The following WWC1 variants were observed in gnomAD, a reference collection of about 807,000 sequenced individuals.
WWC1 encodes protein KIBRA.
In WWC1, 55 loss-of-function variants were observed where a neutral mutation model predicts 138.4. The observed-to-expected ratio is 0.40, with a 90% CI of 0.32 to 0.50. WWC1 has a LOEUF of 0.50. Ranked by LOEUF, WWC1 falls within the 20% of genes least tolerant of loss-of-function variation. WWC1 has a pLI of 0.72. For missense variants in WWC1, 1,226 were observed against 1,420.4 expected (o/e 0.86, Z 2.20); for synonymous variants, 524 against 564.9 (o/e 0.93, Z 1.03).
At chr5:168,305,401 A>T (rs55758167) in intron 1 of WWC1, among the ~76,000 whole-genome samples, 55,814 of 151,984 alleles carry the variant, frequency 0.37, 10,517 homozygotes, top group East Asian at 0.5. Flanking sequence ...TGAAGTTTAG[A>T]AACACCTTCC....
chr5:168,333,385 T>C (rs978817578), intron 1 of WWC1, among the ~76,000 whole-genome samples: 6 of 152,230 alleles, frequency 3.9e-5, no homozygotes, highest in African/African-American at 1.4e-4. Context: ...ACCCTTGAGA[T>C]TCATGGAAAA....
At position 168,327,362 on chromosome 5, in the gene WWC1, G is replaced by A. The variant is rs558772313; in HGVS notation, c.119+35091G>A. On this transcript the variant is annotated intron_variant, in intron 1 of 22. Transcript: ENST00000265293. ...ATGTATGTCTCATGCTGACTCGCTC[G>A]GATAGTGTGCTCTAGGGCCCAGGAC... Among the ~76,000 whole-genome samples the A allele has an allele frequency of 1.1e-4, 17 of 152,276 alleles. No homozygotes were observed. In the East Asian group the frequency reaches 3.1e-3, roughly 28 times the overall value.
intron 3 of WWC1, among the ~76,000 whole-genome samples, chr5:168,395,691 C>T (rs1582146544): frequency 1.3e-5 from 2 of 152,314 alleles, no homozygotes; most frequent in East Asian, 3.9e-4. Context: ...ATTCCCTGTT[C>T]CATGCTTGAG....
intron 21 of WWC1, among the ~76,000 whole-genome samples, chr5:168,465,548 C>CTT (rs10527141): frequency 0.023 from 1,072 of 46,948 alleles, 528 homozygotes; most frequent in East Asian, 0.042. Flanking sequence ...ATCAGCTGGG[C>CTT]TTTTTTTTTT....
chr5:168,453,913 T>A (rs1188394794), intron 17 of WWC1, 55 bp from the exon 18 acceptor site: 3 of 1,603,154 alleles, frequency 1.9e-6, no homozygotes, highest in African/African-American at 2.7e-5. Context: ...TAAAGGCAGG[T>A]GAACAGAGGC....
chr5:168,430,075 G>C, intron 13 of WWC1, 62 bp from the exon 14 acceptor site: 1 of 1,344,880 alleles, frequency 7.4e-7, no homozygotes, highest in South Asian at 1.2e-5. Context: ...TTAATGGAGA[G>C]AAGGAATGAG....
chr5:168,326,202 A>G (rs1455654058), intron 1 of WWC1, among the ~76,000 whole-genome samples: 2 of 143,892 alleles, frequency 1.4e-5, no homozygotes, highest in African/African-American at 2.7e-5. Flanking sequence ...GGCTCAGGAC[A>G]CCGACCTGAT....
intron 1 of WWC1, among the ~76,000 whole-genome samples, chr5:168,296,007 G>A (rs769949246): frequency 1.3e-5 from 2 of 152,262 alleles, no homozygotes; most frequent in Non-Finnish European, 2.9e-5. Context: ...ATCAGGTGCT[G>A]TGGATCAGGT....
chr5:168,326,135 ATT>A (rs1274567448), intron 1 of WWC1, among the ~76,000 whole-genome samples: 2 of 150,266 alleles, frequency 1.3e-5, no homozygotes, highest in African/African-American at 4.9e-5. Context: ...GACAGTAATG[ATT>A]TTTTGTTTTG....
At chr5:168,454,770 A>T (rs967353531) in intron 18 of WWC1, among the ~76,000 whole-genome samples, 2 of 152,240 alleles carry the variant, frequency 1.3e-5, no homozygotes, top group Non-Finnish European at 2.9e-5. Context: ...TTCTCCAGCC[A>T]GTGGGCGTGC....
At chr5:168,409,443 T>A (rs1207671055) in intron 7 of WWC1, among the ~76,000 whole-genome samples, 2 of 152,154 alleles carry the variant, frequency 1.3e-5, no homozygotes, top group South Asian at 4.1e-4. Flanking sequence ...CAGGCCAAAG[T>A]ATTTGTAAAG....
intron 19 of WWC1, 87 bp downstream of exon 19, chr5:168,455,607 G>T: frequency 6.6e-7 from 1 of 1,517,572 alleles, no homozygotes; most frequent in Non-Finnish European, 8.9e-7. Flanking sequence ...TTACTCTCAT[G>T]TTATTGGGTG....
intron 10 of WWC1, 29 bp downstream of exon 10, chr5:168,422,126 C>T (rs763055533): frequency 6.2e-7 from 1 of 1,604,138 alleles, no homozygotes. Flanking sequence ...GGCCACTGCT[C>T]CCCTGGGCAT....
In WWC1 at chr5:168,426,155, TAGAAG is replaced by T. The variant is rs1781485489; in HGVS notation, c.1811-1875_1811-1871del. 1.3e-5 allele frequency among the ~76,000 whole-genome samples: 2 copies of T among 152,114 alleles called. 1 individual carries two copies. The highest frequency in any genetic ancestry group is 4.1e-4 in the South Asian group (2 of 4,822). ...AGGCTTTGAGTGCCAGTGGTTTCCTTAGAAGAGGAGCCGAGAGATCCCTGGGTTTC... is the reference window on the plus strand; with the variant it reads ...AGGCTTTGAGTGCCAGTGGTTTCCTTAGGAGCCGAGAGATCCCTGGGTTTC... On this transcript the variant is annotated intron_variant, in intron 11 of 22. Coordinates refer to ENST00000265293, the MANE Select transcript of WWC1 (RefSeq NM_015238.3).
chr5:168,292,275 G>T lies in WWC1; in HGVS notation c.119+4G>T, dbSNP rs761533830. ...GCTGGATCGACCCGCGGGACAGGTA[G>T]GACCCTGGAACCCTCCTCCGTGCCC... is the stretch of plus-strand genomic sequence containing the variant. On this transcript the variant is annotated splice_donor_region_variant and intron_variant, in intron 1 of 22. Coordinates refer to ENST00000265293, the MANE Select transcript of WWC1 (RefSeq NM_015238.3). The surrounding 1 kb of genome is among the most constrained non-coding windows in gnomAD (Gnocchi z 4.4). The T allele has an allele frequency of 6.3e-7, 1 of 1,594,548 alleles. No homozygotes were observed. Among genetic ancestry groups the T allele is most frequent in the Non-Finnish European group, 8.5e-7 (1 of 1,171,486 alleles).
chr5:168,437,710 C>T (rs1164353839), intron 15 of WWC1, among the ~76,000 whole-genome samples: 1 of 152,210 alleles, frequency 6.6e-6, no homozygotes, highest in Non-Finnish European at 1.5e-5. Context: ...ACAATACTCA[C>T]ACCTGTGAGC....
At chr5:168,353,601 G>A (rs1417523665) in intron 1 of WWC1, among the ~76,000 whole-genome samples, 1 of 152,204 alleles carries the variant, frequency 6.6e-6, no homozygotes, top group Non-Finnish European at 1.5e-5. Context: ...TGACGCCCAG[G>A]GAGCCTTTGC....
intron 18 of WWC1, among the ~76,000 whole-genome samples, chr5:168,454,830 C>T (rs1756164130): frequency 6.6e-6 from 1 of 152,214 alleles, no homozygotes. Flanking sequence ...AAAGGTCCTG[C>T]ATGTAGGTGT....
At chr5:168,386,685 G>A (rs1019181638) in intron 3 of WWC1, among the ~76,000 whole-genome samples, 305 of 144,942 alleles carry the variant, frequency 2.1e-3, no homozygotes, top group Middle Eastern at 8.0e-3. Context: ...ATGAGCCACC[G>A]TGCCCTCGCT....
Sources: gnomAD v4.1 joint callset for allele counts (sites outside exome capture counted in the v4.1 genomes callset) on GRCh38, gnomAD v4.1.1 for gene constraint, Gnocchi (gnomAD v3.1) non-coding constraint, MANE v1.5 for transcripts, NCBI Gene and HGNC (gene_info 2026-07-23, HGNC 2026-07-21) for gene names.